ALDH8A1: variants seen among roughly 807,000 people sequenced by gnomAD.
ALDH8A1 encodes aldehyde dehydrogenase 8 family member A1.
ALDH8A1 carries 39 observed loss-of-function variants against 43.3 expected under a neutral mutation model. That is an observed-to-expected ratio of 0.90 (90% CI 0.70 to 1.18). The LOEUF is 1.18. Ranked by LOEUF, ALDH8A1 falls within the 50% of genes most tolerant of loss-of-function variation. The probability of loss-of-function intolerance (pLI) is 0.00; values close to 1 mark genes in which losing one functional copy is unlikely to be tolerated. For synonymous variants in ALDH8A1, 233 were observed against 243.5 expected (o/e 0.96, Z 0.40); for missense variants, 605 against 622.6 (o/e 0.97, Z 0.30).
At position 134,943,862 on chromosome 6, in the gene ALDH8A1, C is replaced by A. The variant is rs1429750860; in HGVS notation, c.243G>T (p.Glu81Asp). 3 of 1,614,238 alleles carry A rather than the reference C, an allele frequency of 1.9e-6. No individual in the cohort carries two copies. In the East Asian group the frequency reaches 6.7e-5, roughly 36 times the overall value. Reference sequence around the variant, plus strand: ...CCTGGGCAAACTCCTCCAGGGACTGCTCCAGCAAATCCGCCACCTGGTTCA... The same window carrying A: ...CCTGGGCAAACTCCTCCAGGGACTGATCCAGCAAATCCGCCACCTGGTTCA... ...RVLNQVADLL[E>D]QSLEEFAQAE... The change falls in exon 2 of 7, where the codon GAG becomes GAT. Residue 81 changes from glutamate (E) to aspartate (D), a missense_variant. Coordinates refer to ENST00000265605, the MANE Select transcript of ALDH8A1 (RefSeq NM_022568.4).
At chr6:134,930,611 C>G (rs1271455618) in intron 5 of ALDH8A1, among the ~76,000 whole-genome samples, 1 of 152,172 alleles carries the variant, frequency 6.6e-6, no homozygotes, top group Non-Finnish European at 1.5e-5. Flanking sequence ...TGAAATAACA[C>G]ATTCTTTTTG....
Position 134,930,380 on chromosome 6 carries a change from C to G in ALDH8A1, c.850-1165G>C, listed in dbSNP as rs140777332. Among the ~76,000 whole-genome samples, 274 of 152,236 alleles carry G rather than the reference C, an allele frequency of 1.8e-3. 1 individual carries two copies. The highest frequency in any genetic ancestry group is 2.7e-3 in the Non-Finnish European group (184 of 68,008). ...AACAGATTTCTCAGTGAAAAATAAC[C>G]CTATCATTTGAACATAGCATGTAAC... On this transcript the variant is annotated intron_variant, in intron 5 of 6. Coordinates refer to ENST00000265605, the MANE Select transcript of ALDH8A1 (RefSeq NM_022568.4).
In ALDH8A1 at chr6:134,943,963, C is replaced by G. The variant is rs201505652; in HGVS notation, c.142G>C (p.Glu48Gln). The change falls in exon 2 of 7, where the codon GAA (glutamate) becomes CAA (glutamine). Residue 48 changes from glutamate to glutamine, a missense_variant. Transcript: ENST00000265605. ...RVPNSGKDEI[E>Q]AAVKAAREAF... is the part of the protein sequence containing the mutation. ...TCTCTGGCGGCCTTGACCGCGGCTTCGATCTTTGAGGAGCAAATGGGAGAA... is the reference window on the plus strand; with the variant it reads ...TCTCTGGCGGCCTTGACCGCGGCTTGGATCTTTGAGGAGCAAATGGGAGAA... The G allele has an allele frequency of 1.9e-6, 3 of 1,613,696 alleles. No individual in the cohort carries two copies. The highest frequency in any genetic ancestry group is 1.1e-5 in the South Asian group (1 of 91,016).
intron 6 of ALDH8A1, among the ~76,000 whole-genome samples, chr6:134,925,800 GTA>G (rs1278322832): frequency 6.6e-6 from 1 of 152,184 alleles, no homozygotes; most frequent in Non-Finnish European, 1.5e-5. Context: ...AGGTACCACT[GTA>G]TATAGGGTAG....
At position 134,949,964 on chromosome 6, in the gene ALDH8A1, T is replaced by C. The variant is rs778208203; in HGVS notation, c.90A>G (p.Pro30=). The C allele has an allele frequency of 7.4e-6, 12 of 1,612,758 alleles. No individual in the cohort carries two copies. Among genetic ancestry groups the C allele is most frequent in the South Asian group, 6.6e-5 (6 of 90,548 alleles). The change falls in exon 1 of 7, where the codon CCA becomes CCG. Residue 30 remains proline, a synonymous_variant. Coordinates refer to ENST00000265605, the MANE Select transcript of ALDH8A1 (RefSeq NM_022568.4). ...CTCTGCAATACACTTCCCCTGTTGA[T>C]GGGTCGTAAGAATCTATATATGAGC... ...PCSSYIDSYD[P]STGEVYCRVP...
rs1398140204 is a variant in ALDH8A1, at chr6:134,942,395, T to C, written c.442+14A>G. On this transcript the variant is annotated intron_variant, in intron 3 of 6. Transcript: ENST00000265605. ...GCATAACCGGGAGGTGGGCTCTCACTGAACAGCACTCACCGACTCCCACCG... is the reference window on the plus strand; with the variant it reads ...GCATAACCGGGAGGTGGGCTCTCACCGAACAGCACTCACCGACTCCCACCG... 1.3e-6 allele frequency: 2 copies of C among 1,582,394 alleles called. No homozygotes were observed.
chr6:134,927,996 G>A (rs1360728329), intron 6 of ALDH8A1, among the ~76,000 whole-genome samples: 2 of 152,172 alleles, frequency 1.3e-5, no homozygotes, highest in Admixed American at 6.5e-5. Flanking sequence ...CACTGCCTAT[G>A]TACCTGCAAT....
At chr6:134,946,607 T>C (rs1369489031) in intron 1 of ALDH8A1, among the ~76,000 whole-genome samples, 2 of 152,254 alleles carry the variant, frequency 1.3e-5, no homozygotes, top group East Asian at 1.9e-4. Flanking sequence ...ATATCATTAT[T>C]ATCCTCATTT....
In ALDH8A1 at chr6:134,943,851, T is replaced by C. The variant is rs1320211297; in HGVS notation, c.254A>G (p.Glu85Gly). Residue 85 changes from glutamate to glycine, a missense_variant, in exon 2 of 7, where the codon GAG (glutamate) becomes GGG (glycine). Coordinates refer to ENST00000265605, the MANE Select transcript of ALDH8A1 (RefSeq NM_022568.4). The part of the protein sequence containing the change: ...QVADLLEQSL[E>G]EFAQAESKDQ... ...TTTAGACTCGGCCTGGGCAAACTCC[T>C]CCAGGGACTGCTCCAGCAAATCCGC... 7 of 1,614,090 alleles carry C rather than the reference T, an allele frequency of 4.3e-6. No homozygotes were observed. In the South Asian group the frequency reaches 7.7e-5, roughly 18 times the overall value.
At chr6:134,938,792 C>T (rs558074046) in intron 4 of ALDH8A1, among the ~76,000 whole-genome samples, 14 of 152,136 alleles carry the variant, frequency 9.2e-5, no homozygotes, top group Non-Finnish European at 1.5e-4. Context: ...GGACTACAGG[C>T]GCCCGCCACC....
chr6:134,946,199 T>G (rs1221966169), intron 1 of ALDH8A1, among the ~76,000 whole-genome samples: 1 of 152,228 alleles, frequency 6.6e-6, no homozygotes, highest in Non-Finnish European at 1.5e-5. Context: ...GATTCTCATC[T>G]TAATTAGAAA....
intron 2 of ALDH8A1, among the ~76,000 whole-genome samples, 178 bp downstream of exon 2, chr6:134,943,641 G>A (rs1276763313): frequency 6.6e-6 from 1 of 152,214 alleles, no homozygotes; most frequent in African/African-American, 2.4e-5. Context: ...AATGAGACAG[G>A]GCTGGGCCAG....
Position 134,936,872 on chromosome 6 carries a change from T to A in ALDH8A1, c.592+2394A>T, listed in dbSNP as rs2235263. Among the ~76,000 whole-genome samples, 52 of 152,100 alleles carry A rather than the reference T, an allele frequency of 3.4e-4. 1 individual carries two copies. The highest frequency in any genetic ancestry group is 1.5e-5 in the Non-Finnish European group (1 of 68,026). On this transcript the variant is annotated intron_variant, in intron 4 of 6. Coordinates refer to ENST00000265605, the MANE Select transcript of ALDH8A1 (RefSeq NM_022568.4). ...TGGTGATAAGAGAAGGAAAGCAGTT[T>A]AACTGACAAATAGCAATTTAGCAAA...
At chr6:134,929,392 G>A (rs2064101) in intron 5 of ALDH8A1, among the ~76,000 whole-genome samples, 177 bp from the exon 6 acceptor site, 104,820 of 152,114 alleles carry the variant, frequency 0.69, 36,728 homozygotes, top group African/African-American at 0.81. Context: ...AGACAAATAA[G>A]AACACAAGTA....
Position 134,948,719 on chromosome 6 carries a change from T to C in ALDH8A1, c.138+1197A>G, listed in dbSNP as rs865988103. Reference sequence around the variant, plus strand: ...TGGGATCAGATAGGATATTTGGAAGTTGGATTGCTGAGAAACTGAACATAT... The same window carrying C: ...TGGGATCAGATAGGATATTTGGAAGCTGGATTGCTGAGAAACTGAACATAT... On this transcript the variant is annotated intron_variant, in intron 1 of 6. Transcript: ENST00000265605. 6.6e-5 allele frequency among the ~76,000 whole-genome samples: 10 copies of C among 152,298 alleles called. No homozygotes were observed. The South Asian group carries it at 2.1e-3, about 32-fold the overall frequency.
chr6:134,931,431 T>A (rs1776984450), intron 5 of ALDH8A1, among the ~76,000 whole-genome samples: 2 of 152,084 alleles, frequency 1.3e-5, no homozygotes, highest in Non-Finnish European at 1.5e-5. Flanking sequence ...GCCCAGCTAA[T>A]TTTTGTATTT....
At chr6:134,922,035 G>A (rs926604958) in intron 6 of ALDH8A1, among the ~76,000 whole-genome samples, 5 of 152,238 alleles carry the variant, frequency 3.3e-5, no homozygotes, top group African/African-American at 1.2e-4. Context: ...TCGGTGTAAA[G>A]CCATATCTCA....
At chr6:134,937,275 T>C (rs750641571) in intron 4 of ALDH8A1, among the ~76,000 whole-genome samples, 14 of 152,172 alleles carry the variant, frequency 9.2e-5, no homozygotes, top group Non-Finnish European at 1.9e-4. Flanking sequence ...CAGAACGAAT[T>C]AGTTATTTTC....
intron 3 of ALDH8A1, 113 bp from the exon 4 acceptor site, chr6:134,939,528 T>G (rs756592428): frequency 3.5e-5 from 42 of 1,208,236 alleles, no homozygotes; most frequent in Non-Finnish European, 4.4e-5. Context: ...CTTAGCTTAC[T>G]CTTCTAACTT....
Sources: allele counts gnomAD v4.1 joint callset (sites outside exome capture counted in the v4.1 genomes callset), GRCh38; gene constraint gnomAD v4.1.1; transcripts MANE v1.5; gene names NCBI Gene and HGNC (gene_info 2026-07-23, HGNC 2026-07-21).